LAMA2: variants seen among roughly 807,000 people sequenced by gnomAD.
LAMA2 encodes the protein laminin subunit alpha-2.
In LAMA2, 269 loss-of-function variants were observed where a neutral mutation model predicts 364.8. The observed-to-expected ratio is 0.74, with a 90% CI of 0.67 to 0.82. The LOEUF is 0.82. LAMA2 is among the 40% of genes least tolerant of loss of function. The pLI, the probability that LAMA2 is intolerant of heterozygous loss-of-function variation, is 0.00. For synonymous variants in LAMA2, 1,379 were observed against 1,370.6 expected, an observed-to-expected ratio of 1.01 and a Z score of -0.14; for missense variants, 3,807 against 3,873.2, an observed-to-expected ratio of 0.98 and a Z score of 0.45.
chr6:129,457,933 C>T (rs1313904257), intron 48 of LAMA2, among the ~76,000 whole-genome samples: 1 of 152,066 alleles, frequency 6.6e-6, no homozygotes, highest in East Asian at 1.9e-4. Flanking sequence ...TTCATGAAGG[C>T]CCTGCCCCTC....
chr6:129,132,878 G>A (rs1777574125), intron 4 of LAMA2, among the ~76,000 whole-genome samples: 2 of 152,108 alleles, frequency 1.3e-5, no homozygotes, highest in Non-Finnish European at 2.9e-5. Flanking sequence ...GAAAACTGAG[G>A]TATAGAGAGA....
At chr6:129,199,475 T>C (rs1782045721) in intron 12 of LAMA2, among the ~76,000 whole-genome samples, 1 of 152,156 alleles carries the variant, frequency 6.6e-6, no homozygotes, top group African/African-American at 2.4e-5. Context: ...CTTAACATTG[T>C]GCTAGAAGAT....
intron 53 of LAMA2, among the ~76,000 whole-genome samples, chr6:129,477,648 TA>T (rs762558889): frequency 6.6e-6 from 1 of 152,134 alleles, no homozygotes; most frequent in African/African-American, 2.4e-5. Context: ...AGTTTGAGTA[TA>T]AAAGTCATTT....
In LAMA2 at chr6:129,402,479, C is replaced by G; in HGVS notation, c.5718C>G (p.Val1906=). ...HAAQLNDSSA[V]LDGILDEAKN... The stretch of plus-strand genomic sequence containing the variant: ...CTCAGTTGAATGACTCATCTGCTGT[C>G]CTTGATGGGTATGTCATTTGTTTTT... Residue 1906 remains valine (V), a synonymous_variant, in exon 39 of 65, where the codon GTC becomes GTG. Transcript: ENST00000421865. 1.2e-6 allele frequency: 2 copies of G among 1,613,976 alleles called. No homozygotes were observed. Among genetic ancestry groups the G allele is most frequent in the East Asian group, 2.2e-5 (1 of 44,856 alleles).
intron 12 of LAMA2, among the ~76,000 whole-genome samples, chr6:129,222,802 T>G (rs1024916195): frequency 1.1e-4 from 16 of 152,186 alleles, no homozygotes; most frequent in African/African-American, 3.6e-4. Context: ...GCAATAAACA[T>G]ACATGTGCAT....
intron 61 of LAMA2, among the ~76,000 whole-genome samples, chr6:129,505,602 G>A (rs936509639): frequency 6.6e-5 from 10 of 151,958 alleles, no homozygotes; most frequent in African/African-American, 1.9e-4. Flanking sequence ...TCTCCCTCCC[G>A]GGTTCACGCC....
Position 129,428,876 on chromosome 6 carries a change from A to T in LAMA2, c.5968+1022A>T, listed in dbSNP as rs115944556. Among the ~76,000 whole-genome samples, 421 of 152,260 alleles carry T rather than the reference A, an allele frequency of 2.8e-3. 2 individuals carry two copies. The highest frequency in any genetic ancestry group is 9.6e-3 in the African/African-American group (398 of 41,558). ...GCTGCTCTCTATATGAGCCATTACA[A>T]TTATTATTTTATGCACTTATCTCTT... On this transcript the variant is annotated intron_variant, in intron 41 of 64. Transcript: ENST00000421865.
intron 40 of LAMA2, among the ~76,000 whole-genome samples, chr6:129,423,145 A>G (rs931459035): frequency 6.6e-6 from 1 of 152,002 alleles, no homozygotes; most frequent in East Asian, 1.9e-4. Context: ...TTTTTTTTTA[A>G]AAACTGCCTA....
In LAMA2 at chr6:129,383,234, G is replaced by A. The variant is rs757661749; in HGVS notation, c.5071+1G>A. 1 of 1,601,460 alleles carries A rather than the reference G, an allele frequency of 6.2e-7. No homozygotes were observed. Among genetic ancestry groups the A allele is most frequent in the South Asian group, 1.1e-5 (1 of 90,214 alleles). On this transcript the variant is annotated splice_donor_variant, in intron 35 of 64. Transcript: ENST00000421865. LOFTEE classifies it high-confidence loss of function. ...AAGGAGCTTGCCCGGGATGCAGAAGGTATTAGAAAGAATCACATTTTAATC... is the reference window on the plus strand; with the variant it reads ...AAGGAGCTTGCCCGGGATGCAGAAGATATTAGAAAGAATCACATTTTAATC...
intron 3 of LAMA2, among the ~76,000 whole-genome samples, chr6:129,067,560 G>A (rs1255641307): frequency 6.6e-6 from 1 of 152,138 alleles, no homozygotes; most frequent in Non-Finnish European, 1.5e-5. Context: ...TCCACTAAAA[G>A]TGGAAATCTT....
At chr6:128,993,480 A>G (rs1454742411) in intron 1 of LAMA2, among the ~76,000 whole-genome samples, 1 of 152,206 alleles carries the variant, frequency 6.6e-6, no homozygotes, top group Non-Finnish European at 1.5e-5. Flanking sequence ...ATTACAGGCT[A>G]GTTGTACATT....
At chr6:129,161,491 C>T (rs1374762419) in intron 8 of LAMA2, among the ~76,000 whole-genome samples, 2 of 151,888 alleles carry the variant, frequency 1.3e-5, no homozygotes, top group East Asian at 1.9e-4. Flanking sequence ...ATTTTATTTC[C>T]TTTATTATCT....
At chr6:129,316,197 GCT>G in intron 27 of LAMA2, 26 bp downstream of exon 27, 4 of 1,573,600 alleles carry the variant, frequency 2.5e-6, no homozygotes, top group Non-Finnish European at 3.5e-6. Flanking sequence ...AAATATTCAA[GCT>G]CTTATTTTAG....
chr6:129,392,940 C>T, intron 36 of LAMA2, 105 bp from the exon 37 acceptor site: 1 of 906,174 alleles, frequency 1.1e-6, no homozygotes, highest in Non-Finnish European at 1.7e-6. Context: ...CTTATTTTCT[C>T]ATTCTTTTCA....
At chr6:129,313,367 T>A (rs985430681) in intron 23 of LAMA2, among the ~76,000 whole-genome samples, 3 of 152,182 alleles carry the variant, frequency 2.0e-5, no homozygotes, top group East Asian at 1.9e-4. Flanking sequence ...AGTGATTTTT[T>A]AAAAAATATA....
At chr6:128,918,761 G>A (rs1562829067) in intron 1 of LAMA2, among the ~76,000 whole-genome samples, 1 of 152,140 alleles carries the variant, frequency 6.6e-6, no homozygotes, top group Admixed American at 6.6e-5. Flanking sequence ...AACAATATGG[G>A]TGCTTTCAGT....
chr6:129,369,078 A>G (rs1777930929), intron 33 of LAMA2, among the ~76,000 whole-genome samples: 1 of 152,212 alleles, frequency 6.6e-6, no homozygotes, highest in Non-Finnish European at 1.5e-5. Context: ...GCTATTCAGA[A>G]GTGGGAGTAA....
intron 1 of LAMA2, among the ~76,000 whole-genome samples, chr6:129,008,219 AACTCTGTGTGCATTT>A (rs973149914): frequency 2.0e-4 from 31 of 152,094 alleles, no homozygotes; most frequent in Admixed American, 1.9e-3. Context: ...ACCTTGCAGA[AACTCTGTGTGCATTT>A]ACTGACGTAA....
At chr6:129,236,476 A>G (rs376060146) in intron 12 of LAMA2, among the ~76,000 whole-genome samples, 2 of 152,106 alleles carry the variant, frequency 1.3e-5, no homozygotes, top group South Asian at 4.1e-4. Context: ...TTTTAAGAGC[A>G]CCCCTTATAA....
Sources: gnomAD v4.1 joint callset for allele counts (sites outside exome capture counted in the v4.1 genomes callset) on GRCh38, gnomAD v4.1.1 for gene constraint, MANE v1.5 for transcripts, NCBI Gene and HGNC (gene_info 2026-07-23, HGNC 2026-07-21) for gene names.